The following HHLA2 variants were observed in gnomAD, a reference collection of about 807,000 sequenced individuals.
The protein encoded by HHLA2 is HERV-H LTR-associating protein 2.
In HHLA2, 48 loss-of-function variants were observed where a neutral mutation model predicts 45.9. That is an observed-to-expected ratio of 1.05 (90% CI 0.83 to 1.33). The LOEUF is 1.33. Among genes scored for constraint, HHLA2 ranks in the 40% most tolerant of loss-of-function variants. HHLA2 has a pLI of 0.00. For synonymous variants in HHLA2, 161 were observed against 173.9 expected (o/e 0.93, Z 0.59); for missense variants, 462 against 494.3 (o/e 0.93, Z 0.62).
intron 9 of HHLA2, 29 bp from the exon 9 acceptor site, chr3:108,376,464 T>C (rs2082276256): frequency 6.3e-7 from 1 of 1,580,016 alleles, no homozygotes; most frequent in Non-Finnish European, 8.6e-7. Context: ...AAAGAAATTA[T>C]TTTTAAGTTC....
chr3:108,375,672 C>G, intron 8 of HHLA2, 78 bp from the exon 8 acceptor site: 1 of 1,533,144 alleles, frequency 6.5e-7, no homozygotes, highest in South Asian at 1.2e-5. Flanking sequence ...AGGACAGAGC[C>G]ATACCAAGGT....
intron 3 of HHLA2, among the ~76,000 whole-genome samples, chr3:108,346,054 T>C (rs1457381955): frequency 1.3e-5 from 2 of 152,162 alleles, no homozygotes; most frequent in Admixed American, 1.3e-4. Flanking sequence ...CCATTCTTCC[T>C]TGTTTCACTT....
intron 3 of HHLA2, among the ~76,000 whole-genome samples, chr3:108,335,795 C>T (rs986740387): frequency 4.6e-5 from 7 of 152,104 alleles, no homozygotes; most frequent in African/African-American, 1.4e-4. Context: ...ATGACTGAGG[C>T]AGCCACAAAA....
rs113651422 is a variant in HHLA2 at position 108,337,890 on chromosome 3, A to G, written c.-27+9543A>G. On this transcript the variant is annotated intron_variant, in intron 3 of 10. Transcript: ENST00000619531. The stretch of plus-strand genomic sequence containing the variant: ...GTCCTAAACCTATTTGTTGCTTGTC[A>G]CTAAACTCACCTTAAATGATACAAA... Among the ~76,000 whole-genome samples, 210 of 152,212 alleles carry G rather than the reference A, an allele frequency of 1.4e-3. 1 individual carries two copies. The highest frequency in any genetic ancestry group is 4.7e-3 in the African/African-American group (194 of 41,542).
chr3:108,361,740 G>C (rs994569889), intron 7 of HHLA2, among the ~76,000 whole-genome samples: 1 of 152,032 alleles, frequency 6.6e-6, no homozygotes, highest in Non-Finnish European at 1.5e-5. Context: ...GGGGACTACT[G>C]TGCCTATTAT....
At chr3:108,299,044 A>G (rs1354281929) in intron 1 of HHLA2, among the ~76,000 whole-genome samples, 1 of 152,194 alleles carries the variant, frequency 6.6e-6, no homozygotes, top group Non-Finnish European at 1.5e-5. Context: ...CACCAAGAAC[A>G]CCTTCTGAAG....
chr3:108,362,210 C>T, intron 7 of HHLA2, 132 bp from the exon 7 acceptor site: 1 of 652,152 alleles, frequency 1.5e-6, no homozygotes, highest in Non-Finnish European at 2.6e-6. Context: ...ATGAATTCAG[C>T]CTCCTACCTG....
intron 3 of HHLA2, among the ~76,000 whole-genome samples, chr3:108,333,724 A>G (rs1408686360): frequency 1.3e-5 from 2 of 152,188 alleles, no homozygotes; most frequent in African/African-American, 2.4e-5. Context: ...TCATTGCTAT[A>G]GTACTCACCA....
chr3:108,352,828 A>C (rs2081804857), intron 4 of HHLA2, among the ~76,000 whole-genome samples: 1 of 152,216 alleles, frequency 6.6e-6, no homozygotes. Flanking sequence ...GGATATCCTG[A>C]GAGCAGTCTT....
In HHLA2 at chr3:108,324,468, TCAACA is replaced by T. The variant is rs201181242; in HGVS notation, c.-104-3798_-104-3794del. 8.6e-3 allele frequency among the ~76,000 whole-genome samples: 1,316 copies of T among 152,184 alleles called. 10 individuals carry two copies. The highest frequency in any genetic ancestry group is 0.029 in the African/African-American group (1,184 of 41,516). On this transcript the variant is annotated intron_variant, in intron 2 of 10. Transcript: ENST00000619531. ...AGTGCACAAAACATAGCTAAATGAATCAACACAAAACAAAAGCCCACAAGATAACC... is the reference window on the plus strand; with the variant it reads ...AGTGCACAAAACATAGCTAAATGAATCAAAACAAAAGCCCACAAGATAACC...
At chr3:108,312,095 A>T (rs2081029138) in intron 2 of HHLA2, among the ~76,000 whole-genome samples, 1 of 151,968 alleles carries the variant, frequency 6.6e-6, no homozygotes, top group Non-Finnish European at 1.5e-5. Context: ...CACCATTCTT[A>T]CTTCCTGAGG....
rs2966574 is a variant in HHLA2, at chr3:108,322,216, G to A, written c.-104-6054G>A. ...GGACTGTGGGCCATGCCTCTCAGGC[G>A]GAAGTCACTGGAGGGTGATACAGGC... On this transcript the variant is annotated intron_variant, in intron 2 of 10. Transcript: ENST00000619531. 4.1e-3 allele frequency among the ~76,000 whole-genome samples: 621 copies of A among 152,282 alleles called. 6 individuals carry two copies. The highest frequency in any genetic ancestry group is 0.014 in the African/African-American group (586 of 41,564).
At chr3:108,339,268 A>G (rs2081525722) in intron 3 of HHLA2, among the ~76,000 whole-genome samples, 1 of 152,210 alleles carries the variant, frequency 6.6e-6, no homozygotes, top group African/African-American at 2.4e-5. Flanking sequence ...AAAAAGATTA[A>G]ATCTACAATG....
At chr3:108,354,640 A>G (rs2081850954) in intron 5 of HHLA2, among the ~76,000 whole-genome samples, 1 of 152,082 alleles carries the variant, frequency 6.6e-6, no homozygotes, top group African/African-American at 2.4e-5. Flanking sequence ...GTATTTTCTA[A>G]TGGGTTGTTT....
chr3:108,353,485 A>G, exon 5 of HHLA2: 1 of 1,606,254 alleles, frequency 6.2e-7, no homozygotes, highest in Non-Finnish European at 8.5e-7. Flanking sequence ...TCGTCATTGG[A>G]AGACTTGATG....
intron 7 of HHLA2, among the ~76,000 whole-genome samples, chr3:108,360,122 A>G (rs2081962682): frequency 6.6e-6 from 1 of 151,940 alleles, no homozygotes; most frequent in Non-Finnish European, 1.5e-5. Context: ...TCTATCCTCT[A>G]CTTGCAATAA....
At chr3:108,301,792 A>C (rs1362774403) in intron 1 of HHLA2, among the ~76,000 whole-genome samples, 1 of 152,100 alleles carries the variant, frequency 6.6e-6, no homozygotes, top group East Asian at 1.9e-4. Context: ...ACCAAGCAGC[A>C]TGCTTTACTT....
chr3:108,347,363 ATT>A (rs1049841853), intron 3 of HHLA2, among the ~76,000 whole-genome samples: 5 of 152,038 alleles, frequency 3.3e-5, no homozygotes, highest in African/African-American at 9.7e-5. Flanking sequence ...CAGAGACTCA[ATT>A]TTTGGCTCAT....
At chr3:108,334,458 A>G (rs2081438131) in intron 3 of HHLA2, among the ~76,000 whole-genome samples, 1 of 152,200 alleles carries the variant, frequency 6.6e-6, no homozygotes, top group Non-Finnish European at 1.5e-5. Flanking sequence ...GCTTCTGATC[A>G]ACTATTTTAA....
Sources: allele counts gnomAD v4.1 joint callset (sites outside exome capture counted in the v4.1 genomes callset), GRCh38; gene constraint gnomAD v4.1.1; transcripts MANE v1.5; gene names NCBI Gene and HGNC (gene_info 2026-07-23, HGNC 2026-07-21).